VPS13B: variants seen among roughly 807,000 people sequenced by gnomAD.
VPS13B encodes intermembrane lipid transfer protein VPS13B.
In VPS13B, 285 loss-of-function variants were observed where a neutral mutation model predicts 426.4. The ratio of observed to expected loss-of-function variants is 0.67; its 90% CI spans 0.61 to 0.74. The LOEUF is 0.74. Among genes scored for constraint, VPS13B ranks in the 30% least tolerant of loss-of-function variants. The pLI is 0.00. For synonymous variants in VPS13B, 1,676 were observed against 1,676.4 expected (o/e 1.00, Z 0.01); for missense variants, 4,537 against 4,782.6 (o/e 0.95, Z 1.51).
At chr8:99,356,125 A>C (rs574404721) in intron 19 of VPS13B, among the ~76,000 whole-genome samples, 158 of 152,332 alleles carry the variant, frequency 1.0e-3, no homozygotes, top group African/African-American at 3.6e-3. Context: ...ACACTGAAAA[A>C]GAATTTTCAG....
At position 99,778,894 on chromosome 8, in the gene VPS13B, A is replaced by T; in HGVS notation, c.7642A>T (p.Ile2548Phe). 1 of 1,614,034 alleles carries T rather than the reference A, an allele frequency of 6.2e-7. No individual in the cohort carries two copies. Among genetic ancestry groups the T allele is most frequent in the Non-Finnish European group, 8.5e-7 (1 of 1,179,930 alleles). The change falls in exon 42 of 62, where the codon ATC (isoleucine) becomes TTC (phenylalanine). Residue 2548 changes from isoleucine (I) to phenylalanine (F), a missense_variant. Physicochemically the swap from Ile to Phe is conservative, Grantham distance 21 (BLOSUM62 0). Coordinates refer to ENST00000357162, the MANE Select transcript of VPS13B (RefSeq NM_152564.5). ...GCAAAGTGTGGTGAAACCCTTCAGCATCTTCGGGCAGATGGCAGTTTCCAG... is the reference window on the plus strand; with the variant it reads ...GCAAAGTGTGGTGAAACCCTTCAGCTTCTTCGGGCAGATGGCAGTTTCCAG... Reference protein sequence around the residue: ...TMQSVVKPFSIFGQMAVSSDV... With the variant: ...TMQSVVKPFSFFGQMAVSSDV...
chr8:99,388,640 A>G (rs754787596), intron 20 of VPS13B, among the ~76,000 whole-genome samples: 46 of 152,326 alleles, frequency 3.0e-4, no homozygotes, highest in Admixed American at 1.6e-3. Context: ...GTTTTTGACC[A>G]AGGTAGCCAT....
At chr8:99,532,244 T>A (rs890717802) in intron 30 of VPS13B, among the ~76,000 whole-genome samples, 1 of 152,154 alleles carries the variant, frequency 6.6e-6, no homozygotes, top group Non-Finnish European at 1.5e-5. Context: ...CCGTTTTACA[T>A]TTTTTTGCAG....
intron 16 of VPS13B, among the ~76,000 whole-genome samples, chr8:99,181,207 A>C (rs957583659): frequency 1.3e-5 from 2 of 152,214 alleles, no homozygotes; most frequent in South Asian, 4.1e-4. Flanking sequence ...AGCCATTAAA[A>C]TTTTGTTGTA....
intron 3 of VPS13B, among the ~76,000 whole-genome samples, chr8:99,049,080 C>A (rs958827817): frequency 6.6e-6 from 1 of 152,162 alleles, no homozygotes; most frequent in Admixed American, 6.6e-5. Flanking sequence ...CTCTTGAAGG[C>A]AGCTGATGGT....
chr8:99,621,792 T>G (rs899317126), intron 33 of VPS13B, among the ~76,000 whole-genome samples: 3 of 151,712 alleles, frequency 2.0e-5, no homozygotes, highest in African/African-American at 7.3e-5. Context: ...TCATTCCTTT[T>G]TTTGTTTGTT....
intron 3 of VPS13B, among the ~76,000 whole-genome samples, chr8:99,086,932 G>A (rs1016789845): frequency 3.9e-5 from 6 of 152,124 alleles, no homozygotes; most frequent in Non-Finnish European, 5.9e-5. Flanking sequence ...GCAGTCTGTC[G>A]GTTCTCAGAT....
At chr8:99,861,740 GACAAGGAGGCTA>G (rs1316277339) in intron 57 of VPS13B, 24 bp from the exon 58 acceptor site, 3 of 1,571,700 alleles carry the variant, frequency 1.9e-6, no homozygotes, top group Admixed American at 3.7e-5. Context: ...TCATGTATGC[GACAAGGAGGCTA>G]ACCCCATGCT....
At chr8:99,669,175 G>T (rs1023316918) in intron 35 of VPS13B, among the ~76,000 whole-genome samples, 10 of 152,070 alleles carry the variant, frequency 6.6e-5, no homozygotes, top group African/African-American at 2.4e-4. Flanking sequence ...GAAGTGTTTG[G>T]TATGACATCA....
chr8:99,104,426 T>A (rs1188178766), intron 5 of VPS13B, among the ~76,000 whole-genome samples: 1 of 152,176 alleles, frequency 6.6e-6, no homozygotes, highest in Admixed American at 6.5e-5. Context: ...TTTTGAAAGG[T>A]GAAAGGCATC....
At chr8:99,250,324 T>C (rs530137370) in intron 17 of VPS13B, among the ~76,000 whole-genome samples, 2 of 152,312 alleles carry the variant, frequency 1.3e-5, no homozygotes, top group South Asian at 4.1e-4. Flanking sequence ...GTAGCTTTTC[T>C]TCTCTTAGCA....
chr8:99,859,933 T>A (rs896037225), intron 57 of VPS13B, among the ~76,000 whole-genome samples: 24 of 152,212 alleles, frequency 1.6e-4, no homozygotes, highest in African/African-American at 5.3e-4. Flanking sequence ...CCAACTTTTC[T>A]CTAGCACGCC....
At chr8:99,801,546 T>A (rs951851238) in intron 43 of VPS13B, among the ~76,000 whole-genome samples, 5 of 152,162 alleles carry the variant, frequency 3.3e-5, no homozygotes, top group Non-Finnish European at 7.4e-5. Flanking sequence ...TACTTTTGTT[T>A]ATCGGAAGTA....
At chr8:99,850,650 G>A (rs548870294) in intron 55 of VPS13B, among the ~76,000 whole-genome samples, 3 of 152,158 alleles carry the variant, frequency 2.0e-5, no homozygotes, top group African/African-American at 7.2e-5. Flanking sequence ...TTGCAGCCAG[G>A]TGTGGTGGCT....
intron 14 of VPS13B, among the ~76,000 whole-genome samples, chr8:99,151,765 T>G (rs1392288488): frequency 1.3e-5 from 2 of 152,160 alleles, no homozygotes; most frequent in African/African-American, 4.8e-5. Context: ...ACTTCTGACC[T>G]CAGGTGATCT....
rs189725517 is a variant in VPS13B, at chr8:99,849,461, T to C, written c.10061+567T>C. 3.9e-5 allele frequency among the ~76,000 whole-genome samples: 6 copies of C among 152,240 alleles called. No individual in the cohort carries two copies. The East Asian group carries it at 5.8e-4, about 15-fold the overall frequency. The stretch of plus-strand genomic sequence containing the variant: ...CAGAAAATTCTAAGAAGAGGAAATA[T>C]AAGTAATCAAAGAAATGCTAATTTA... On this transcript the variant is annotated intron_variant, in intron 55 of 61. Coordinates refer to ENST00000357162, the MANE Select transcript of VPS13B (RefSeq NM_152564.5).
chr8:99,828,678 G>T (rs1357795327), intron 51 of VPS13B, among the ~76,000 whole-genome samples: 1 of 151,970 alleles, frequency 6.6e-6, no homozygotes, highest in African/African-American at 2.4e-5. Context: ...AGTTGGTGCA[G>T]TTTTTTCATA....
intron 3 of VPS13B, among the ~76,000 whole-genome samples, chr8:99,081,941 T>G (rs1845493951): frequency 6.6e-6 from 1 of 152,312 alleles, no homozygotes; most frequent in South Asian, 2.1e-4. Flanking sequence ...TGTGTCTTTA[T>G]AGCAGCATGA....
At chr8:99,765,611 C>T (rs1388559533) in intron 39 of VPS13B, among the ~76,000 whole-genome samples, 6 of 152,208 alleles carry the variant, frequency 3.9e-5, no homozygotes, top group Admixed American at 3.3e-4. Context: ...GTTCCCAAGT[C>T]CCACAAGCGT....
Sources: gnomAD v4.1 joint callset for allele counts (sites outside exome capture counted in the v4.1 genomes callset) on GRCh38, gnomAD v4.1.1 for gene constraint, MANE v1.5 for transcripts, NCBI Gene and HGNC (gene_info 2026-07-23, HGNC 2026-07-21) for gene names.